Variants in MTUS2 observed in about 807,000 individuals in gnomAD.
MTUS2 encodes microtubule-associated tumor suppressor candidate 2.
A neutral mutation model predicts 114.1 loss-of-function variants in MTUS2; 40 were observed. The ratio of observed to expected loss-of-function variants is 0.35; its 90% CI spans 0.27 to 0.46. The LOEUF (loss-of-function observed/expected upper bound fraction) is 0.46. Among genes scored for constraint, MTUS2 ranks in the 20% least tolerant of loss-of-function variants. MTUS2 has a pLI of 1.00. For missense variants in MTUS2, 1,679 were observed against 1,705.4 expected, an observed-to-expected ratio of 0.98 and a Z score of 0.27; for synonymous variants, 688 against 672.0, an observed-to-expected ratio of 1.02 and a Z score of -0.37.
At chr13:29,051,655 A>G (rs765406437) in intron 4 of MTUS2, among the ~76,000 whole-genome samples, 9 of 152,236 alleles carry the variant, frequency 5.9e-5, no homozygotes, top group Non-Finnish European at 1.0e-4. Flanking sequence ...ACAAGAAGGA[A>G]GTGCCTCAAA....
At chr13:29,244,681 G>A (rs947495378) in intron 5 of MTUS2, among the ~76,000 whole-genome samples, 2 of 152,118 alleles carry the variant, frequency 1.3e-5, no homozygotes, top group Non-Finnish European at 2.9e-5. Context: ...TCTGGGCCGG[G>A]CGCGGTGGCT....
intron 2 of MTUS2, among the ~76,000 whole-genome samples, chr13:28,861,986 C>G (rs913636370): frequency 1.2e-4 from 19 of 152,172 alleles, no homozygotes; most frequent in Middle Eastern, 3.4e-3. Flanking sequence ...GAAAGAAAAC[C>G]CTTTTTAGTT....
chr13:28,842,796 C>T (rs1169524389), intron 2 of MTUS2, among the ~76,000 whole-genome samples: 1 of 152,158 alleles, frequency 6.6e-6, no homozygotes, highest in Non-Finnish European at 1.5e-5. Flanking sequence ...TTGATGTGTG[C>T]TTAATGGGAT....
intron 5 of MTUS2, among the ~76,000 whole-genome samples, chr13:29,201,255 A>G (rs1159963796): frequency 6.6e-6 from 1 of 151,802 alleles, no homozygotes; most frequent in African/African-American, 2.4e-5. Flanking sequence ...TCCCTTTATC[A>G]CTATGTAATG....
In MTUS2 at chr13:28,850,240, A is replaced by G. The variant is rs115406128; in HGVS notation, c.-243+10390A>G. Among the ~76,000 whole-genome samples the G allele has an allele frequency of 8.6e-3, 1,310 of 152,366 alleles. 16 individuals are homozygous for G. Among genetic ancestry groups the G allele is most frequent in the African/African-American group, 0.029 (1,187 of 41,588 alleles). ...TTGTCCGCAAACTCAAGAAATAGAC[A>G]AAAATGTAAATGTCATCCTGACATT... On this transcript the variant is annotated intron_variant, in intron 2 of 15. Coordinates refer to ENST00000612955, the MANE Select transcript of MTUS2 (RefSeq NM_001033602.4).
At chr13:29,393,889 G>A (rs191821072) in intron 8 of MTUS2, among the ~76,000 whole-genome samples, 5 of 152,102 alleles carry the variant, frequency 3.3e-5, no homozygotes, top group African/African-American at 1.2e-4. Context: ...AAAGACAAAC[G>A]GTTGCATTCT....
chr13:29,164,916 T>C (rs1893251877), intron 5 of MTUS2, among the ~76,000 whole-genome samples: 1 of 152,220 alleles, frequency 6.6e-6, no homozygotes, highest in African/African-American at 2.4e-5. Flanking sequence ...GGAAAGGGCT[T>C]ATTTAAGGTA....
At chr13:29,344,917 G>A (rs1338163588) in intron 7 of MTUS2, among the ~76,000 whole-genome samples, 1 of 152,158 alleles carries the variant, frequency 6.6e-6, no homozygotes, top group African/African-American at 2.4e-5. Context: ...CATTTATGAA[G>A]CATAGTTTCA....
chr13:29,190,374 G>A lies in MTUS2; in HGVS notation c.2644+89404G>A, dbSNP rs564684934. Among the ~76,000 whole-genome samples, 3 of 152,336 alleles carry A rather than the reference G, an allele frequency of 2.0e-5. No individual in the cohort carries two copies. The South Asian group carries it at 6.2e-4, about 32-fold the overall frequency. Reference sequence around the variant, plus strand: ...GATTGAGATGGGAAACTGAGGCAAAGAAAACCTAAGACACCTGCCCACATT... The same window carrying A: ...GATTGAGATGGGAAACTGAGGCAAAAAAAACCTAAGACACCTGCCCACATT... On this transcript the variant is annotated intron_variant, in intron 5 of 15. Transcript: ENST00000612955.
At chr13:28,980,931 A>G (rs1301246953) in intron 2 of MTUS2, among the ~76,000 whole-genome samples, 1 of 152,262 alleles carries the variant, frequency 6.6e-6, no homozygotes, top group Admixed American at 6.5e-5. Flanking sequence ...CACTAGGGCA[A>G]CAGGCATAAG....
chr13:29,153,881 T>C (rs1412474252), intron 5 of MTUS2, among the ~76,000 whole-genome samples: 1 of 152,232 alleles, frequency 6.6e-6, no homozygotes, highest in Non-Finnish European at 1.5e-5. Context: ...GGAAGGATAA[T>C]AGAAGTATGC....
At chr13:29,369,343 G>A (rs572316555) in intron 8 of MTUS2, among the ~76,000 whole-genome samples, 2 of 152,104 alleles carry the variant, frequency 1.3e-5, no homozygotes, top group African/African-American at 4.8e-5. Flanking sequence ...GAAAATCTGT[G>A]CCCGGAGAAA....
chr13:28,896,237 A>G (rs1879256966), intron 2 of MTUS2, among the ~76,000 whole-genome samples: 1 of 152,220 alleles, frequency 6.6e-6, no homozygotes, highest in Admixed American at 6.5e-5. Flanking sequence ...AAAAATCACA[A>G]GCATTCTTAT....
chr13:28,964,408 A>T (rs1883479130), intron 2 of MTUS2, among the ~76,000 whole-genome samples: 1 of 152,066 alleles, frequency 6.6e-6, no homozygotes, highest in Admixed American at 6.5e-5. Flanking sequence ...TGTAAATTGG[A>T]TTGTGTCATT....
chr13:28,998,654 C>T (rs1027754954), intron 2 of MTUS2, among the ~76,000 whole-genome samples: 2 of 152,218 alleles, frequency 1.3e-5, no homozygotes, highest in African/African-American at 4.8e-5. Flanking sequence ...CCTTCCATTG[C>T]TGATACGCTT....
At chr13:29,274,443 C>G (rs1439449235) in intron 5 of MTUS2, among the ~76,000 whole-genome samples, 1 of 152,094 alleles carries the variant, frequency 6.6e-6, no homozygotes, top group Admixed American at 6.6e-5. Context: ...AAACTACCAA[C>G]CTTTTCTCCA....
chr13:29,370,577 G>A (rs550563679), intron 8 of MTUS2, among the ~76,000 whole-genome samples: 4 of 152,222 alleles, frequency 2.6e-5, no homozygotes, highest in African/African-American at 7.2e-5. Context: ...TTGTCCCTCC[G>A]TGTCATGCAT....
intron 2 of MTUS2, among the ~76,000 whole-genome samples, chr13:28,860,596 C>T (rs1025656290): frequency 6.6e-6 from 1 of 152,136 alleles, no homozygotes; most frequent in Non-Finnish European, 1.5e-5. Flanking sequence ...TGCATGTCAG[C>T]CTAGTGGGGG....
At chr13:29,098,091 T>A (rs1890251294) in intron 4 of MTUS2, among the ~76,000 whole-genome samples, 1 of 152,156 alleles carries the variant, frequency 6.6e-6, no homozygotes, top group Non-Finnish European at 1.5e-5. Context: ...ACTGACGTGA[T>A]TGTTTAAAAA....
Sources: gnomAD v4.1 joint callset for allele counts (sites outside exome capture counted in the v4.1 genomes callset) on GRCh38, gnomAD v4.1.1 for gene constraint, MANE v1.5 for transcripts, NCBI Gene and HGNC (gene_info 2026-07-23, HGNC 2026-07-21) for gene names.